The following GABBR2 variants were observed in gnomAD, a reference collection of about 807,000 sequenced individuals.
The protein encoded by GABBR2 is gamma-aminobutyric acid type B receptor subunit 2, also known as G-protein coupled receptor 51.
In GABBR2, 23 loss-of-function variants were observed where a neutral mutation model predicts 105.6. The observed-to-expected ratio is 0.22, with a 90% confidence interval of 0.16 to 0.31. The LOEUF (loss-of-function observed/expected upper bound fraction) is 0.31. GABBR2 is among the 10% of genes least tolerant of loss of function. GABBR2 has a pLI of 1.00. For synonymous variants in GABBR2, 478 were observed against 499.7 expected (o/e 0.96, Z 0.58); for missense variants, 734 against 1,245.5 (o/e 0.59, Z 6.18).
chr9:98,375,415 A>T (rs1475263475), intron 11 of GABBR2: 5 of 152,142 alleles, frequency 3.3e-5, no homozygotes, highest in African/African-American at 1.2e-4. Flanking sequence ...CTGGTCACAC[A>T]GAGATGACAT....
intron 3 of GABBR2, among the ~76,000 whole-genome samples, chr9:98,504,161 G>A (rs1372710992): frequency 1.3e-5 from 2 of 152,230 alleles, no homozygotes; most frequent in Non-Finnish European, 1.5e-5. Flanking sequence ...TTAGCACCCC[G>A]AGCAGAACCT....
chr9:98,521,586 G>C (rs1023839416), intron 3 of GABBR2, among the ~76,000 whole-genome samples: 4 of 152,172 alleles, frequency 2.6e-5, no homozygotes, highest in Admixed American at 1.3e-4. Flanking sequence ...AGGCCAGGGG[G>C]ATCTCTGCAC....
intron 16 of GABBR2, among the ~76,000 whole-genome samples, chr9:98,300,071 T>C (rs1830444754): frequency 6.6e-6 from 1 of 151,496 alleles, no homozygotes; most frequent in Non-Finnish European, 1.5e-5. Flanking sequence ...TCTATGTTCC[T>C]CAGGCTGGTC....
At chr9:98,515,106 TC>T (rs1827732472) in intron 3 of GABBR2, among the ~76,000 whole-genome samples, 1 of 151,914 alleles carries the variant, frequency 6.6e-6, no homozygotes, top group Non-Finnish European at 1.5e-5. Flanking sequence ...GGGACTGAGC[TC>T]CCCGCCATGA....
At chr9:98,349,246 T>C (rs114896531) in intron 13 of GABBR2, among the ~76,000 whole-genome samples, 4,452 of 152,206 alleles carry the variant, frequency 0.029, 229 homozygotes, top group African/African-American at 0.1. Flanking sequence ...TCTGTTTACG[T>C]TGAATCATTC....
chr9:98,562,768 A>C (rs371424919), intron 2 of GABBR2, among the ~76,000 whole-genome samples: 1 of 152,164 alleles, frequency 6.6e-6, no homozygotes, highest in Non-Finnish European at 1.5e-5. Flanking sequence ...GAAAGGTAGA[A>C]ACATAAATAG....
chr9:98,663,842 T>C, intron 1 of GABBR2, among the ~76,000 whole-genome samples: 1 of 152,020 alleles, frequency 6.6e-6, no homozygotes, highest in Admixed American at 6.5e-5. Context: ...CATCCCAAAT[T>C]TATACAAGTA....
At chr9:98,301,040 T>C (rs546988680) in intron 16 of GABBR2, among the ~76,000 whole-genome samples, 1 of 152,298 alleles carries the variant, frequency 6.6e-6, no homozygotes, top group East Asian at 1.9e-4. Flanking sequence ...CCACACCCCT[T>C]CACCCGTCCT....
At chr9:98,592,903 G>T (rs904822733) in intron 1 of GABBR2, among the ~76,000 whole-genome samples, 33 of 152,334 alleles carry the variant, frequency 2.2e-4, no homozygotes, top group Middle Eastern at 3.4e-3. Flanking sequence ...GCCAGTGCCA[G>T]CTTAAGGAGG....
chr9:98,417,419 C>T (rs1237387829), intron 7 of GABBR2, among the ~76,000 whole-genome samples: 1 of 152,204 alleles, frequency 6.6e-6, no homozygotes, highest in East Asian at 1.9e-4. Context: ...TCGGGACCTG[C>T]ATCCCATGGG....
chr9:98,504,648 C>A (rs1035767588), intron 3 of GABBR2, among the ~76,000 whole-genome samples: 2 of 152,182 alleles, frequency 1.3e-5, no homozygotes, highest in African/African-American at 2.4e-5. Flanking sequence ...ATGAATTGTG[C>A]CGAAATGTCA....
chr9:98,444,173 T>C (rs1826080185), intron 7 of GABBR2, among the ~76,000 whole-genome samples: 2 of 152,232 alleles, frequency 1.3e-5, no homozygotes, highest in Non-Finnish European at 2.9e-5. Flanking sequence ...ATCAGGCACC[T>C]ACTATGTCCC....
At chr9:98,291,950 C>T (rs1031289788) in intron 18 of GABBR2, among the ~76,000 whole-genome samples, 2 of 152,178 alleles carry the variant, frequency 1.3e-5, no homozygotes, top group Non-Finnish European at 2.9e-5. Context: ...TGGGTTAGCA[C>T]GTGATGGAGG....
intron 13 of GABBR2, among the ~76,000 whole-genome samples, chr9:98,360,865 C>G (rs1277156416): frequency 6.6e-6 from 1 of 152,174 alleles, no homozygotes; most frequent in Non-Finnish European, 1.5e-5. Context: ...ATACTCAGCT[C>G]CCACCTTCAT....
intron 1 of GABBR2, among the ~76,000 whole-genome samples, chr9:98,686,797 G>C (rs377657482): frequency 2.0e-4 from 31 of 152,092 alleles, no homozygotes; most frequent in African/African-American, 7.5e-4. Flanking sequence ...GTCAGTGAAG[G>C]GTCCACCATC....
rs1352667899 is a variant in GABBR2, at chr9:98,312,940, G to A, written c.1894-1735C>T. 4.6e-5 allele frequency among the ~76,000 whole-genome samples: 7 copies of A among 152,014 alleles called. No individual in the cohort carries two copies. The East Asian group carries it at 9.7e-4, about 21-fold the overall frequency. On this transcript the variant is annotated intron_variant, in intron 13 of 18. Coordinates refer to ENST00000259455, the MANE Select transcript of GABBR2 (RefSeq NM_005458.8). ...AATTTTTGTATTTTTATTAGAGATGGGGTTTCACCATGCTGGCCAGGCCGG... is the reference window on the plus strand; with the variant it reads ...AATTTTTGTATTTTTATTAGAGATGAGGTTTCACCATGCTGGCCAGGCCGG...
intron 1 of GABBR2, among the ~76,000 whole-genome samples, chr9:98,610,169 C>T (rs1029029425): frequency 1.3e-5 from 2 of 152,248 alleles, no homozygotes; most frequent in African/African-American, 4.8e-5. Context: ...GAAACTGCTG[C>T]CTGGACTCAA....
At chr9:98,593,318 C>T (rs1358554887) in intron 1 of GABBR2, among the ~76,000 whole-genome samples, 5 of 152,194 alleles carry the variant, frequency 3.3e-5, no homozygotes, top group Non-Finnish European at 7.3e-5. Flanking sequence ...ATGACATCGC[C>T]AGAGCTGAGG....
At chr9:98,503,949 T>C (rs1827454476) in intron 3 of GABBR2, among the ~76,000 whole-genome samples, 1 of 152,152 alleles carries the variant, frequency 6.6e-6, no homozygotes, top group Non-Finnish European at 1.5e-5. Context: ...TTCCAATGTG[T>C]AGCTAAAGTG....
Sources: gnomAD v4.1 joint callset for allele counts (sites outside exome capture counted in the v4.1 genomes callset) on GRCh38, gnomAD v4.1.1 for gene constraint, MANE v1.5 for transcripts, NCBI Gene and HGNC (gene_info 2026-07-23, HGNC 2026-07-21) for gene names.